CLDN16: variants seen among roughly 807,000 people sequenced by gnomAD.
The protein encoded by CLDN16 is claudin 16, also known as claudin-16.
A neutral mutation model predicts 24.6 loss-of-function variants in CLDN16; 13 were observed. The ratio of observed to expected loss-of-function variants is 0.53; its 90% CI spans 0.34 to 0.84. The LOEUF is 0.84. Among genes scored for constraint, CLDN16 ranks in the 40% least tolerant of loss-of-function variants. CLDN16 has a pLI of 0.01. For missense variants in CLDN16, 298 were observed against 292.7 expected, an observed-to-expected ratio of 1.02 and a Z score of -0.13; for synonymous variants, 116 against 106.7, an observed-to-expected ratio of 1.09 and a Z score of -0.54.
intron 1 of CLDN16, among the ~76,000 whole-genome samples, chr3:190,327,889 T>C (rs1421791203): frequency 6.6e-6 from 1 of 152,174 alleles, no homozygotes; most frequent in African/African-American, 2.4e-5. Flanking sequence ...AGGAACACTT[T>C]AGTGAATAAA....
chr3:190,377,872 T>C (rs575345621), intron 3 of CLDN16, among the ~76,000 whole-genome samples: 36 of 152,138 alleles, frequency 2.4e-4, no homozygotes, highest in African/African-American at 8.7e-4. Flanking sequence ...TGCAACCTTA[T>C]TTATTCATCT....
chr3:190,351,204 A>T (rs1717665643), intron 1 of CLDN16, among the ~76,000 whole-genome samples: 1 of 151,946 alleles, frequency 6.6e-6, no homozygotes, highest in African/African-American at 2.4e-5. Context: ...GTCCCTCACC[A>T]GAAGCACAGG....
the CLDN16 span, chr3:190,308,056 G>GA: frequency 3.9e-6 from 2 of 511,254 alleles, no homozygotes; most frequent in South Asian, 4.2e-5. Flanking sequence ...AATACAAATG[G>GA]AAAAATCTTC....
rs1250194758 is a variant in CLDN16, at chr3:190,401,275, T to C, written c.115-1062T>C. 1.0e-4 allele frequency among the ~76,000 whole-genome samples: 3 copies of C among 28,670 alleles called. No homozygotes were observed. The East Asian group carries it at 0.013, about 124-fold the overall frequency. 18.8% of individuals were successfully genotyped at this position (28,670 alleles called of 152,430 possible). On this transcript the variant is annotated intron_variant, in intron 1 of 4. Coordinates refer to ENST00000264734, the MANE Select transcript of CLDN16 (RefSeq NM_006580.4). Reference sequence around the variant, plus strand: ...TTTTATTTTCCAAAGCAAAGTGTTCTTATGTTTTTTTTTCTCCCCACAGCA... The same window carrying C: ...TTTTATTTTCCAAAGCAAAGTGTTCCTATGTTTTTTTTTCTCCCCACAGCA...
intron 1 of CLDN16, among the ~76,000 whole-genome samples, chr3:190,356,472 G>T (rs1458648113): frequency 6.6e-6 from 1 of 151,778 alleles, no homozygotes; most frequent in Non-Finnish European, 1.5e-5. Context: ...TTTTTGAACT[G>T]CCAGGCCCAA....
At chr3:190,326,405 T>C (rs570597595) in intron 1 of CLDN16, among the ~76,000 whole-genome samples, 2 of 152,280 alleles carry the variant, frequency 1.3e-5, no homozygotes, top group South Asian at 4.1e-4. Context: ...GAAGACACAA[T>C]GTTGTGTTCA....
the CLDN16 span, among the ~76,000 whole-genome samples, chr3:190,315,932 C>T: frequency 6.6e-6 from 1 of 152,192 alleles, no homozygotes; most frequent in Non-Finnish European, 1.5e-5. Flanking sequence ...AGGGCCCTTA[C>T]TGCACCCACC....
intron 1 of CLDN16, among the ~76,000 whole-genome samples, chr3:190,367,397 A>G (rs557561086): frequency 4.6e-5 from 7 of 151,942 alleles, no homozygotes; most frequent in Non-Finnish European, 7.4e-5. Flanking sequence ...AGCACACAAT[A>G]TGAAAGCCAT....
At chr3:190,335,793 T>C (rs1052309883) in intron 1 of CLDN16, among the ~76,000 whole-genome samples, 9 of 151,056 alleles carry the variant, frequency 6.0e-5, no homozygotes, top group Non-Finnish European at 5.9e-5. Context: ...TCTCAGACAC[T>C]GATTCTAGAG....
chr3:190,304,106 AG>A, the CLDN16 span, among the ~76,000 whole-genome samples: 1 of 152,176 alleles, frequency 6.6e-6, no homozygotes, highest in South Asian at 2.1e-4. Flanking sequence ...CTCCTCTCAG[AG>A]GTTCTGATTC....
intron 1 of CLDN16, among the ~76,000 whole-genome samples, chr3:190,400,656 T>C (rs1017845870): frequency 2.0e-5 from 3 of 152,244 alleles, no homozygotes; most frequent in African/African-American, 7.2e-5. Flanking sequence ...AGAATTTCAT[T>C]TTTTAAATTG....
At chr3:190,334,392 A>AG (rs1717253554) in intron 1 of CLDN16, among the ~76,000 whole-genome samples, 1 of 152,222 alleles carries the variant, frequency 6.6e-6, no homozygotes, top group Non-Finnish European at 1.5e-5. Context: ...TGCAAAATGG[A>AG]ATAAAGAGAC....
chr3:190,336,130 T>G (rs370441200), intron 1 of CLDN16, among the ~76,000 whole-genome samples: 26 of 152,252 alleles, frequency 1.7e-4, no homozygotes, highest in African/African-American at 6.3e-4. Context: ...TGACTAATCA[T>G]TAATTTAAAA....
chr3:190,350,368 T>C (rs946687221), intron 1 of CLDN16, among the ~76,000 whole-genome samples: 1 of 119,600 alleles, frequency 8.4e-6, no homozygotes, highest in Non-Finnish European at 1.8e-5. Flanking sequence ...ATATATATAC[T>C]TTATTATAGA....
intron 1 of CLDN16, among the ~76,000 whole-genome samples, chr3:190,352,940 A>G (rs1345527289): frequency 6.6e-6 from 1 of 152,100 alleles, no homozygotes; most frequent in Non-Finnish European, 1.5e-5. Context: ...ATAGGTGTCA[A>G]ACAGACTTGA....
upstream of CLDN16, among the ~76,000 whole-genome samples, chr3:190,319,575 C>G (rs2162041): frequency 0.99 from 151,342 of 152,312 alleles, 75,192 homozygotes; most frequent in Middle Eastern, 1. Flanking sequence ...AGGGAAACAA[C>G]AGATTTTAAT....
At chr3:190,347,023 C>T (rs900199650) in intron 1 of CLDN16, among the ~76,000 whole-genome samples, 5 of 152,110 alleles carry the variant, frequency 3.3e-5, no homozygotes, top group Non-Finnish European at 7.4e-5. Flanking sequence ...GGAGGATACT[C>T]TTTATCCTCA....
chr3:190,387,066 C>T (rs1425115), upstream of CLDN16, among the ~76,000 whole-genome samples: 55,247 of 151,850 alleles, frequency 0.36, 10,161 homozygotes, highest in African/African-American at 0.4. Flanking sequence ...TTCTCTCCCT[C>T]CCAATTTCTT....
At chr3:190,361,524 A>G (rs1268154291) in intron 1 of CLDN16, among the ~76,000 whole-genome samples, 2 of 151,970 alleles carry the variant, frequency 1.3e-5, no homozygotes, top group African/African-American at 4.8e-5. Flanking sequence ...TCGTAGGACT[A>G]ACAAATTAGC....
Sources: gnomAD v4.1 joint callset for allele counts (sites outside exome capture counted in the v4.1 genomes callset) on GRCh38, gnomAD v4.1.1 for gene constraint, MANE v1.5 for transcripts, NCBI Gene and HGNC (gene_info 2026-07-23, HGNC 2026-07-21) for gene names.